SEL1L2: variants seen among roughly 807,000 people sequenced by gnomAD.
SEL1L2 encodes the protein protein sel-1 homolog 2.
In SEL1L2, 89 loss-of-function variants were observed where a neutral mutation model predicts 98.8. That is an observed-to-expected ratio of 0.90 (90% confidence interval 0.76 to 1.07). The LOEUF (loss-of-function observed/expected upper bound fraction) is 1.07, where lower values mean the gene tolerates loss of function less well. Among genes scored for constraint, SEL1L2 ranks in the 50% least tolerant of loss-of-function variants. The probability of loss-of-function intolerance (pLI) is 0.00; values close to 1 mark genes in which losing one functional copy is unlikely to be tolerated. For synonymous variants in SEL1L2, 262 were observed against 278.5 expected, an observed-to-expected ratio of 0.94 and a Z score of 0.59; for missense variants, 788 against 812.0, an observed-to-expected ratio of 0.97 and a Z score of 0.36.
intron 1 of SEL1L2, among the ~76,000 whole-genome samples, chr20:13,971,592 A>ATTTT (rs34169464): frequency 4.8e-5 from 7 of 144,824 alleles, no homozygotes; most frequent in Admixed American, 4.8e-4. Context: ...TAGCTAGCTA[A>ATTTT]TTTTTTTTTT....
intron 1 of SEL1L2, among the ~76,000 whole-genome samples, chr20:13,966,047 T>A (rs115484304): frequency 6.6e-6 from 1 of 151,620 alleles, no homozygotes; most frequent in African/African-American, 2.4e-5. Context: ...AATTACCACA[T>A]GTGACAGAGA....
At chr20:13,991,974 A>G (rs1198068331), upstream of SEL1L2, among the ~76,000 whole-genome samples, 1 of 151,986 alleles carries the variant, frequency 6.6e-6, no homozygotes, top group East Asian at 1.9e-4. Flanking sequence ...TGCCACTGCA[A>G]TGCAGCCTGA....
intron 5 of SEL1L2, among the ~76,000 whole-genome samples, chr20:13,906,138 A>G (rs1187663376): frequency 6.6e-6 from 1 of 152,078 alleles, no homozygotes; most frequent in Non-Finnish European, 1.5e-5. Flanking sequence ...AGCCTCCCAA[A>G]GTGCTGGCAT....
chr20:13,920,965 A>C (rs2048640694), intron 3 of SEL1L2, among the ~76,000 whole-genome samples: 1 of 152,140 alleles, frequency 6.6e-6, no homozygotes, highest in Non-Finnish European at 1.5e-5. Context: ...TGTTACCTAT[A>C]CTTCTAATTA....
intron 1 of SEL1L2, among the ~76,000 whole-genome samples, chr20:13,972,645 A>C (rs1220114406): frequency 6.6e-6 from 1 of 152,154 alleles, no homozygotes; most frequent in Non-Finnish European, 1.5e-5. Flanking sequence ...ATGTCATTAC[A>C]CTTGTTTGAT....
chr20:13,960,881 T>C (rs754087285), intron 1 of SEL1L2, among the ~76,000 whole-genome samples: 1 of 152,184 alleles, frequency 6.6e-6, no homozygotes, highest in African/African-American at 2.4e-5. Context: ...ATAATGCACA[T>C]AATAGATCAG....
chr20:13,905,362 G>A (rs1200170664), intron 5 of SEL1L2, among the ~76,000 whole-genome samples: 1 of 145,000 alleles, frequency 6.9e-6, no homozygotes, highest in Non-Finnish European at 1.5e-5. Context: ...CACCCGGGCT[G>A]GAGTGCAGTG....
intron 5 of SEL1L2, among the ~76,000 whole-genome samples, chr20:13,907,746 C>CTTTCT (rs1568945160): frequency 3.6e-5 from 3 of 83,420 alleles, no homozygotes; most frequent in Admixed American, 1.2e-4. Flanking sequence ...TTCTTTCTTT[C>CTTTCT]TTTTCTTTTC....
chr20:13,911,391 T>C (rs1470274696), intron 5 of SEL1L2, among the ~76,000 whole-genome samples: 3 of 152,180 alleles, frequency 2.0e-5, no homozygotes, highest in Admixed American at 2.0e-4. Context: ...CCATTTTTAG[T>C]GGTGGGAGTG....
chr20:13,897,692 G>A (rs192080973), intron 5 of SEL1L2, among the ~76,000 whole-genome samples: 3 of 152,052 alleles, frequency 2.0e-5, no homozygotes, highest in Admixed American at 2.0e-4. Flanking sequence ...AATCATTAAG[G>A]AATGCAAGTC....
chr20:13,888,028 A>G (rs372603682), intron 6 of SEL1L2, 27 bp from the exon 7 acceptor site: 1 of 1,594,266 alleles, frequency 6.3e-7, no homozygotes. Flanking sequence ...CAAACAAAAA[A>G]CCCCCCAAAC....
chr20:13,935,804 T>G (rs1317988525), intron 2 of SEL1L2, among the ~76,000 whole-genome samples: 1 of 152,026 alleles, frequency 6.6e-6, no homozygotes, highest in Non-Finnish European at 1.5e-5. Flanking sequence ...GAATATGATA[T>G]CGTAGAGATG....
At chr20:13,973,830 G>A (rs1234685400) in intron 1 of SEL1L2, among the ~76,000 whole-genome samples, 1 of 152,092 alleles carries the variant, frequency 6.6e-6, no homozygotes, top group Admixed American at 6.6e-5. Context: ...TAGGGTTGGG[G>A]TGCCTGGGAA....
chr20:13,918,920 T>C, intron 4 of SEL1L2, 101 bp downstream of exon 4: 1 of 745,388 alleles, frequency 1.3e-6, no homozygotes, highest in South Asian at 1.7e-5. Flanking sequence ...ATAGGCTTAC[T>C]CATTATCCCA....
At chr20:13,897,028 T>C (rs2047455805) in intron 5 of SEL1L2, among the ~76,000 whole-genome samples, 1 of 152,086 alleles carries the variant, frequency 6.6e-6, no homozygotes, top group Non-Finnish European at 1.5e-5. Flanking sequence ...CCTACAGTAG[T>C]CAAAATCGTG....
At chr20:13,962,988 A>G (rs2050847834) in intron 1 of SEL1L2, among the ~76,000 whole-genome samples, 1 of 149,990 alleles carries the variant, frequency 6.7e-6, no homozygotes, top group Non-Finnish European at 1.5e-5. Context: ...AATTGCTTGA[A>G]CCCTGGAGGC....
chr20:13,870,288 C>T (rs747297224), intron 12 of SEL1L2, 85 bp from the exon 13 acceptor site: 1 of 958,704 alleles, frequency 1.0e-6, no homozygotes, highest in Non-Finnish European at 1.7e-6. Context: ...AAATATTTGA[C>T]ATGCACCCAG....
intron 5 of SEL1L2, among the ~76,000 whole-genome samples, chr20:13,901,070 TCTTTC>T (rs1568930972): frequency 2.1e-5 from 3 of 145,046 alleles, no homozygotes; most frequent in Non-Finnish European, 3.0e-5. Flanking sequence ...TTTCTTTCTT[TCTTTC>T]TTTTTTTTTT....
rs747653319 is a variant in SEL1L2, at chr20:13,919,138, A to G, written c.284-15T>C. 1.4e-6 allele frequency: 2 copies of G among 1,441,172 alleles called. No homozygotes were observed. Among genetic ancestry groups the G allele is most frequent in the Admixed American group, 2.0e-5 (1 of 50,776 alleles). 89.3% of individuals were successfully genotyped at this position (1,441,172 alleles called of 1,614,324 possible). A position where few individuals can be genotyped will look rare whatever the true frequency, so the allele number is the denominator to read the frequency against. ...TTGCTTTTGTACTATACATGAACAA[A>G]CAAAAAATAAAAACAATATTACTTC... On this transcript the variant is annotated splice_polypyrimidine_tract_variant and intron_variant, in intron 3 of 19. Coordinates refer to ENST00000284951, the MANE Select transcript of SEL1L2 (RefSeq NM_025229.2).
Sources: gnomAD v4.1 joint callset for allele counts (sites outside exome capture counted in the v4.1 genomes callset) on GRCh38, gnomAD v4.1.1 for gene constraint, MANE v1.5 for transcripts, NCBI Gene and HGNC (gene_info 2026-07-23, HGNC 2026-07-21) for gene names.